GPC6: variants seen among roughly 807,000 people sequenced by gnomAD.
The protein encoded by GPC6 is glypican-6.
In GPC6, 14 loss-of-function variants were observed where a neutral mutation model predicts 55.2. That is an observed-to-expected ratio of 0.25 (90% CI 0.17 to 0.40). The LOEUF is 0.40. Among genes scored for constraint, GPC6 ranks in the 10% least tolerant of loss-of-function variants. The pLI, the probability that GPC6 is intolerant of heterozygous loss-of-function variation, is 1.00. For synonymous variants in GPC6, 278 were observed against 259.6 expected (o/e 1.07, Z -0.68); for missense variants, 641 against 708.5 (o/e 0.90, Z 1.08).
intron 1 of GPC6, among the ~76,000 whole-genome samples, chr13:93,261,907 A>G (rs1275260357): frequency 1.3e-5 from 2 of 148,286 alleles, no homozygotes. Context: ...ATTCACATTT[A>G]TCTCCTATCT....
At chr13:94,092,570 T>C (rs1885527302) in intron 4 of GPC6, among the ~76,000 whole-genome samples, 1 of 152,126 alleles carries the variant, frequency 6.6e-6, no homozygotes, top group Non-Finnish European at 1.5e-5. Context: ...TCTTGGGTAT[T>C]GTGAATGGTG....
intron 1 of GPC6, among the ~76,000 whole-genome samples, chr13:93,264,839 A>G (rs576316468): frequency 7.2e-5 from 11 of 151,898 alleles, no homozygotes; most frequent in African/African-American, 2.4e-4. Flanking sequence ...TTTTTTTTCC[A>G]AAGGTTTTCA....
intron 2 of GPC6, among the ~76,000 whole-genome samples, chr13:93,761,316 T>C (rs932282654): frequency 3.9e-5 from 6 of 152,192 alleles, no homozygotes; most frequent in African/African-American, 7.2e-5. Flanking sequence ...ATGTAGTATA[T>C]GAGCAAAGAG....
chr13:93,635,616 C>T (rs1253746704), intron 2 of GPC6, among the ~76,000 whole-genome samples: 1 of 152,166 alleles, frequency 6.6e-6, no homozygotes, highest in Non-Finnish European at 1.5e-5. Flanking sequence ...TAAAGGCATA[C>T]TCAGAGCAAT....
chr13:93,700,359 A>G (rs1882625667), intron 2 of GPC6, among the ~76,000 whole-genome samples: 1 of 152,052 alleles, frequency 6.6e-6, no homozygotes, highest in Non-Finnish European at 1.5e-5. Context: ...CAGTGAAAAC[A>G]GATATAAGGA....
chr13:94,251,104 C>T (rs926175294), intron 4 of GPC6, among the ~76,000 whole-genome samples: 1 of 152,050 alleles, frequency 6.6e-6, no homozygotes, highest in South Asian at 2.1e-4. Context: ...GGTACATATA[C>T]ACCATAGAAT....
intron 4 of GPC6, among the ~76,000 whole-genome samples, chr13:94,244,282 C>A (rs1005231762): frequency 1.3e-5 from 2 of 152,032 alleles, no homozygotes; most frequent in Admixed American, 1.3e-4. Context: ...TAATTATGTC[C>A]GCATTATTTT....
At chr13:93,577,633 C>T (rs1188440698) in intron 2 of GPC6, among the ~76,000 whole-genome samples, 9 of 151,908 alleles carry the variant, frequency 5.9e-5, no homozygotes, top group Non-Finnish European at 1.5e-5. Flanking sequence ...AATATAAGGT[C>T]GTGTCGTTTG....
chr13:94,285,429 A>G (rs1227467254), intron 4 of GPC6, among the ~76,000 whole-genome samples: 1 of 152,162 alleles, frequency 6.6e-6, no homozygotes, highest in Non-Finnish European at 1.5e-5. Flanking sequence ...CCAAAGGGAA[A>G]CTTCCTCACT....
intron 3 of GPC6, among the ~76,000 whole-genome samples, chr13:93,864,261 G>C (rs1005564729): frequency 1.3e-5 from 2 of 151,520 alleles, no homozygotes; most frequent in Non-Finnish European, 3.0e-5. Flanking sequence ...CTTTCTTCCC[G>C]ATCTGTGAAA....
chr13:94,206,500 C>T (rs563815682), intron 4 of GPC6, among the ~76,000 whole-genome samples: 2 of 152,192 alleles, frequency 1.3e-5, no homozygotes, highest in South Asian at 2.1e-4. Flanking sequence ...TGCTTTGACA[C>T]GTTGAGGCCT....
chr13:93,343,045 A>G (rs1047773206), intron 1 of GPC6, among the ~76,000 whole-genome samples: 2 of 152,120 alleles, frequency 1.3e-5, no homozygotes, highest in African/African-American at 4.8e-5. Flanking sequence ...GGTCTCTCTT[A>G]TCTTTACTCA....
intron 4 of GPC6, among the ~76,000 whole-genome samples, chr13:94,142,878 G>A: frequency 6.6e-6 from 1 of 151,132 alleles, no homozygotes; most frequent in Non-Finnish European, 1.5e-5. Flanking sequence ...CACCAGGCTG[G>A]AGTGCAGTGG....
chr13:94,064,025 C>T (rs1359933438), intron 4 of GPC6, among the ~76,000 whole-genome samples: 2 of 152,068 alleles, frequency 1.3e-5, no homozygotes, highest in Non-Finnish European at 2.9e-5. Context: ...TTGTCTTGGT[C>T]AGAGGGGAGT....
intron 2 of GPC6, among the ~76,000 whole-genome samples, chr13:93,821,994 T>A (rs577719191): frequency 6.8e-6 from 1 of 147,516 alleles, no homozygotes; most frequent in Admixed American, 6.9e-5. Context: ...GTCACGTATA[T>A]GTATAATTGT....
chr13:94,364,337 C>T (rs1471555829), intron 6 of GPC6, among the ~76,000 whole-genome samples: 1 of 152,130 alleles, frequency 6.6e-6, no homozygotes, highest in Non-Finnish European at 1.5e-5. Flanking sequence ...AAATCGTACT[C>T]CCTGGTTGGT....
intron 3 of GPC6, among the ~76,000 whole-genome samples, chr13:93,840,323 G>A (rs921315053): frequency 2.0e-5 from 3 of 152,114 alleles, no homozygotes; most frequent in Admixed American, 6.6e-5. Context: ...ACACATTTAC[G>A]CACATAAACT....
intron 3 of GPC6, among the ~76,000 whole-genome samples, chr13:93,964,276 T>C (rs1358574837): frequency 1.3e-5 from 2 of 152,202 alleles, no homozygotes; most frequent in Admixed American, 1.3e-4. Flanking sequence ...CAGTCATTGC[T>C]TCCTTGACTA....
chr13:94,142,417 G>T (rs1023427991), intron 4 of GPC6, among the ~76,000 whole-genome samples: 1 of 152,090 alleles, frequency 6.6e-6, no homozygotes, highest in African/African-American at 2.4e-5. Flanking sequence ...AATAGTATAC[G>T]TTCTAGTAAA....
Sources: gnomAD v4.1 joint callset for allele counts (sites outside exome capture counted in the v4.1 genomes callset) on GRCh38, gnomAD v4.1.1 for gene constraint, MANE v1.5 for transcripts, NCBI Gene and HGNC (gene_info 2026-07-23, HGNC 2026-07-21) for gene names.